Variants in RGS17 observed in about 807,000 individuals in gnomAD.
RGS17 encodes regulator of G protein signaling 17.
A neutral mutation model predicts 25.5 loss-of-function variants in RGS17; 12 were observed. The observed-to-expected ratio is 0.47, with a 90% CI of 0.30 to 0.76. RGS17 has a LOEUF of 0.76. Ranked by LOEUF, RGS17 falls within the 30% of genes least tolerant of loss-of-function variation. The pLI is 0.07. For missense variants in RGS17, 196 were observed against 242.2 expected (o/e 0.81, Z 1.27); for synonymous variants, 71 against 76.9 (o/e 0.92, Z 0.40).
At chr6:153,043,821 A>C (rs1467189389) in intron 2 of RGS17, 79 bp downstream of exon 2, 3 of 783,600 alleles carry the variant, frequency 3.8e-6, no homozygotes, top group Non-Finnish European at 4.2e-6. Context: ...CAGTTTCTAC[A>C]GTTCTGAGAT....
At chr6:153,062,692 T>G (rs1776655837) in intron 1 of RGS17, among the ~76,000 whole-genome samples, 1 of 152,156 alleles carries the variant, frequency 6.6e-6, no homozygotes, top group South Asian at 2.1e-4. Flanking sequence ...TCCCCTCTTC[T>G]AACCACAGGC....
intron 1 of RGS17, among the ~76,000 whole-genome samples, chr6:153,114,452 C>CA (rs1777516362): frequency 6.6e-6 from 1 of 151,954 alleles, no homozygotes; most frequent in Non-Finnish European, 1.5e-5. Flanking sequence ...GCCTACCAAC[C>CA]AAAAAAAGCC....
At chr6:153,076,405 A>G (rs1416782434) in intron 1 of RGS17, among the ~76,000 whole-genome samples, 2 of 152,168 alleles carry the variant, frequency 1.3e-5, no homozygotes, top group African/African-American at 4.8e-5. Context: ...TATTCACAGG[A>G]CCCTGTGATT....
chr6:153,130,821 G>A lies in RGS17; in HGVS notation c.-26+303C>T, dbSNP rs916233524. Among the ~76,000 whole-genome samples the A allele has an allele frequency of 6.6e-6, 1 of 151,982 alleles. No homozygotes were observed. Among genetic ancestry groups the A allele is most frequent in the African/African-American group, 2.4e-5 (1 of 41,404 alleles). On this transcript the variant is annotated intron_variant, in intron 1 of 4. Transcript: ENST00000206262. The surrounding 1 kb of genome is among the most constrained non-coding windows in gnomAD (Gnocchi z 6.4). ...GGACCTGGCCGAGCGTTCCCCGGCGGGCAGGACACTCGCCCGGTTCCCTGC... is the reference window on the plus strand; with the variant it reads ...GGACCTGGCCGAGCGTTCCCCGGCGAGCAGGACACTCGCCCGGTTCCCTGC...
rs1356443650 is a variant in RGS17 at position 153,053,946 on chromosome 6, ATATATACATATATAT to A, written c.-25-9918_-25-9904del. 2.5e-4 allele frequency among the ~76,000 whole-genome samples: 14 copies of A among 55,920 alleles called. 1 individual carries two copies. In the South Asian group the frequency reaches 6.7e-3, roughly 27 times the overall value. The allele number at this position is 55,920 out of a possible 152,430, so 36.7% of individuals were successfully genotyped here. On this transcript the variant is annotated intron_variant, in intron 1 of 4. Transcript: ENST00000206262. ...ATATGTATATATATGTATATATAAT[ATATATACATATATAT>A]TATATACATATATATGTATATATGT...
chr6:153,039,010 C>G (rs985922518), intron 2 of RGS17, among the ~76,000 whole-genome samples: 2 of 152,174 alleles, frequency 1.3e-5, no homozygotes, highest in African/African-American at 4.8e-5. Context: ...TTACTAAATT[C>G]AGTCTGTGAC....
At chr6:153,032,839 T>G (rs1213527903) in intron 2 of RGS17, among the ~76,000 whole-genome samples, 2 of 152,228 alleles carry the variant, frequency 1.3e-5, no homozygotes, top group African/African-American at 4.8e-5. Context: ...GTTATTAACA[T>G]TGTCATTATC....
At chr6:153,128,402 G>C (rs1327362086) in intron 1 of RGS17, among the ~76,000 whole-genome samples, 4 of 152,292 alleles carry the variant, frequency 2.6e-5, no homozygotes, top group Middle Eastern at 3.4e-3. Context: ...TGGTTGAATG[G>C]ACTCCCAGCC....
At chr6:153,012,752 T>G (rs577167600) in intron 4 of RGS17, among the ~76,000 whole-genome samples, 65 of 152,336 alleles carry the variant, frequency 4.3e-4, no homozygotes, top group African/African-American at 1.5e-3. Flanking sequence ...TCATGACATA[T>G]TCACATAAAA....
intron 1 of RGS17, among the ~76,000 whole-genome samples, chr6:153,117,037 A>G (rs1777556431): frequency 6.6e-6 from 1 of 152,194 alleles, no homozygotes; most frequent in Non-Finnish European, 1.5e-5. Context: ...ACAAACCTGC[A>G]TGTTCTGCAC....
At chr6:153,117,549 T>A (rs907411949) in intron 1 of RGS17, among the ~76,000 whole-genome samples, 2 of 152,256 alleles carry the variant, frequency 1.3e-5, no homozygotes, top group African/African-American at 4.8e-5. Context: ...CTTATAATCA[T>A]GATCAATTCA....
intron 1 of RGS17, among the ~76,000 whole-genome samples, chr6:153,059,188 A>G (rs1776603141): frequency 6.6e-6 from 1 of 152,202 alleles, no homozygotes; most frequent in Non-Finnish European, 1.5e-5. Context: ...AAAAGACTAT[A>G]AAATAGTTGC....
intron 2 of RGS17, among the ~76,000 whole-genome samples, chr6:153,030,494 A>T (rs1779350442): frequency 6.6e-6 from 1 of 152,234 alleles, no homozygotes; most frequent in Admixed American, 6.5e-5. Context: ...AATTTAATAC[A>T]GTGTGACATC....
chr6:153,020,820 T>C (rs1779241322), intron 4 of RGS17, among the ~76,000 whole-genome samples: 1 of 152,188 alleles, frequency 6.6e-6, no homozygotes, highest in Non-Finnish European at 1.5e-5. Context: ...GCCAAGATTG[T>C]CTAGCCCCAA....
chr6:153,113,387 T>G (rs532850002), intron 1 of RGS17, among the ~76,000 whole-genome samples: 136 of 152,308 alleles, frequency 8.9e-4, no homozygotes, highest in African/African-American at 3.1e-3. Context: ...CTAACTATCC[T>G]AAATACATAT....
At chr6:153,108,390 A>C (rs1777416287) in intron 1 of RGS17, among the ~76,000 whole-genome samples, 1 of 152,170 alleles carries the variant, frequency 6.6e-6, no homozygotes. Context: ...GAATACTAGG[A>C]AACAAGTTTG....
chr6:153,128,767 C>T (rs901308709), intron 1 of RGS17, among the ~76,000 whole-genome samples: 1 of 151,922 alleles, frequency 6.6e-6, no homozygotes, highest in African/African-American at 2.4e-5. Flanking sequence ...GAACTTAGAC[C>T]TTAAACATGA....
At position 153,006,195 on chromosome 6, in the gene RGS17, T is replaced by TA. The variant is rs1396494548; in HGVS notation, c.*5378dup. ...GTTTTTATTTTCATTGTAAAATTGT[T>TA]AAAGAAAATCATACCACCTTAATAT... On this transcript the variant is annotated 3_prime_UTR_variant, in exon 5 of 5. Transcript: ENST00000206262. The TA allele has an allele frequency of 6.6e-6, 1 of 152,192 alleles. No homozygotes were observed. Among genetic ancestry groups the TA allele is most frequent in the Non-Finnish European group, 1.5e-5 (1 of 68,038 alleles). The allele number at this position is 152,192 out of a possible 1,614,324, so 9.4% of individuals were successfully genotyped here.
chr6:153,085,579 T>C (rs1173088499), intron 1 of RGS17, among the ~76,000 whole-genome samples: 1 of 152,256 alleles, frequency 6.6e-6, no homozygotes, highest in Non-Finnish European at 1.5e-5. Flanking sequence ...CATTAATTTA[T>C]ATTCTGTTGC....
Sources: allele counts gnomAD v4.1 joint callset (sites outside exome capture counted in the v4.1 genomes callset), GRCh38; gene constraint gnomAD v4.1.1; non-coding constraint Gnocchi (gnomAD v3.1); transcripts MANE v1.5; gene names NCBI Gene and HGNC (gene_info 2026-07-23, HGNC 2026-07-21).